ENTPD6: variants seen among roughly 807,000 people sequenced by gnomAD.
The protein encoded by ENTPD6 is CD39 antigen-like 2.
Under a neutral mutation model 61.5 loss-of-function variants are expected in ENTPD6, and 46 were observed. That is an observed-to-expected ratio of 0.75 (90% CI 0.59 to 0.96). ENTPD6 has a LOEUF of 0.96. Ranked by LOEUF, ENTPD6 falls within the 40% of genes least tolerant of loss-of-function variation. The pLI, the probability that ENTPD6 is intolerant of heterozygous loss-of-function variation, is 0.00. For missense variants in ENTPD6, 612 were observed against 629.0 expected (o/e 0.97, Z 0.29); for synonymous variants, 252 against 255.5 (o/e 0.99, Z 0.13).
In ENTPD6 at chr20:25,213,300, A is replaced by G; in HGVS notation, c.491A>G (p.Lys164Arg). ...QGIRELLDVA[K>R]QDIPFDFWKA... ...ATCCGGGAACTACTGGATGTTGCTA[A>G]ACAGGACATTCCGTTCGACTTCTGG... The change falls in exon 5 of 15, where the codon AAA becomes AGA. Residue 164 changes from lysine (K) to arginine (R), a missense_variant. Coordinates refer to ENST00000376652, the MANE Select transcript of ENTPD6 (RefSeq NM_001247.5). 1 of 1,614,264 alleles carries G rather than the reference A, an allele frequency of 6.2e-7. No homozygotes were observed. Among genetic ancestry groups the G allele is most frequent in the East Asian group, 2.2e-5 (1 of 44,886 alleles).
At chr20:25,216,837 G>C in intron 8 of ENTPD6, 101 bp downstream of exon 8, 1 of 824,274 alleles carries the variant, frequency 1.2e-6, no homozygotes, top group Non-Finnish European at 1.9e-6. Flanking sequence ...GTGGGGTGGG[G>C]GGTGGGGTTG....
At chr20:25,206,091 C>T (rs953876580) in intron 1 of ENTPD6, among the ~76,000 whole-genome samples, 3 of 152,242 alleles carry the variant, frequency 2.0e-5, no homozygotes, top group Non-Finnish European at 1.5e-5. Flanking sequence ...ATTGAATCCC[C>T]ACAGTCACGA....
intron 13 of ENTPD6, chr20:25,224,825 C>A: frequency 4.5e-6 from 1 of 223,196 alleles, no homozygotes; most frequent in Non-Finnish European, 8.7e-6. Flanking sequence ...ATTTGTCCTT[C>A]CTCAAGAGCA....
intron 7 of ENTPD6, among the ~76,000 whole-genome samples, 188 bp downstream of exon 7, chr20:25,215,899 T>A (rs1401425157): frequency 6.6e-6 from 1 of 152,126 alleles, no homozygotes; most frequent in Admixed American, 6.5e-5. Context: ...CAGGTGTAGA[T>A]GCTAGGAGTG....
In ENTPD6 at chr20:25,221,291, G is replaced by A; in HGVS notation, c.1003G>A (p.Glu335Lys). ...GTCTCCCAGTTTCAAAGGAGAGTGG[G>A]AACACGCAGAAGTCACGTACAGGGT... ...CLSPSFKGEW[E>K]HAEVTYRVSG... is the part of the protein sequence containing the mutation. The change falls in exon 11 of 15, where the codon GAA becomes AAA. Residue 335 changes from glutamate (E) to lysine (K), a missense_variant. Transcript: ENST00000376652. 1.2e-6 allele frequency: 2 copies of A among 1,614,190 alleles called. No individual in the cohort carries two copies. Among genetic ancestry groups the A allele is most frequent in the East Asian group, 2.2e-5 (1 of 44,878 alleles).
chr20:25,210,261 C>T (rs181375505), intron 4 of ENTPD6, among the ~76,000 whole-genome samples: 47 of 152,270 alleles, frequency 3.1e-4, no homozygotes, highest in Admixed American at 6.5e-4. Context: ...CAAATTTTTA[C>T]GCTAATTTAG....
In ENTPD6 at chr20:25,225,282, C is replaced by T. The variant is rs1315866114; in HGVS notation, c.1321C>T (p.Gln441Ter). 2 of 1,613,332 alleles carry T rather than the reference C, an allele frequency of 1.2e-6. No individual in the cohort carries two copies. The highest frequency in any genetic ancestry group is 2.2e-5 in the East Asian group (1 of 44,886). The change falls in exon 14 of 15, where the codon CAG becomes TAG. Residue 441 changes from glutamine (Q) to a stop codon, truncating the protein, a stop_gained. Coordinates refer to ENST00000376652, the MANE Select transcript of ENTPD6 (RefSeq NM_001247.5). LOFTEE classifies it high-confidence loss of function. ...CCTCACCTACGTCAGCCTGCTACTC[C>T]AGGAGTTCGGCTTTCCCAGGAGCAA... Reference protein sequence around the residue: ...MDLTYVSLLLQEFGFPRSKVL... With the variant: ...MDLTYVSLLL
At chr20:25,207,459 G>T in intron 3 of ENTPD6, 62 bp downstream of exon 3, 2 of 1,432,946 alleles carry the variant, frequency 1.4e-6, no homozygotes, top group Non-Finnish European at 1.9e-6. Context: ...TGTTGGCCGG[G>T]TCCCCTGCCA....
chr20:25,197,948 G>A (rs936312549), intron 1 of ENTPD6, among the ~76,000 whole-genome samples: 4 of 152,206 alleles, frequency 2.6e-5, no homozygotes, highest in South Asian at 4.1e-4. Flanking sequence ...CACACTGACT[G>A]CAATCTCAGA....
intron 7 of ENTPD6, among the ~76,000 whole-genome samples, chr20:25,216,436 T>G (rs888735812): frequency 6.6e-6 from 1 of 152,206 alleles, no homozygotes. Flanking sequence ...AGGTTCATGC[T>G]GTCCCATCAG....
In ENTPD6 at chr20:25,195,782, G is replaced by T. The variant is rs1456498881; in HGVS notation, c.-101G>T. On this transcript the variant is annotated 5_prime_UTR_variant, in exon 1 of 15. Coordinates refer to ENST00000376652, the MANE Select transcript of ENTPD6 (RefSeq NM_001247.5). ...GGAGGCCGGGGTGGCGCCGGCCGGG[G>T]CGGGGGAGCCCAAAAGACCGGCTGC... 1.1e-5 allele frequency: 13 copies of T among 1,155,428 alleles called. No homozygotes were observed. Among genetic ancestry groups the T allele is most frequent in the Non-Finnish European group, 1.2e-5 (11 of 911,034 alleles). The allele number at this position is 1,155,428 out of a possible 1,614,324, so 71.6% of individuals were successfully genotyped here.
In ENTPD6 at chr20:25,195,876, C is replaced by A. The variant is rs983037055; in HGVS notation, c.-16+9C>A. Reference sequence around the variant, plus strand: ...GGAGCGCGCGGTGCATGGTAAGCGGCGGGCCGGGGCGCTGGCGGGGGCGGC... The same window carrying A: ...GGAGCGCGCGGTGCATGGTAAGCGGAGGGCCGGGGCGCTGGCGGGGGCGGC... On this transcript the variant is annotated intron_variant, in intron 1 of 14. Coordinates refer to ENST00000376652, the MANE Select transcript of ENTPD6 (RefSeq NM_001247.5). 29 of 1,234,794 alleles carry A rather than the reference C, an allele frequency of 2.3e-5. No homozygotes were observed. The highest frequency in any genetic ancestry group is 4.1e-5 in the South Asian group (1 of 24,436). The allele number at this position is 1,234,794 out of a possible 1,614,324, so 76.5% of individuals were successfully genotyped here. A position where few individuals can be genotyped will look rare whatever the true frequency, so the allele number is the denominator to read the frequency against.
At chr20:25,196,709 G>T (rs2090461627) in intron 1 of ENTPD6, among the ~76,000 whole-genome samples, 1 of 152,204 alleles carries the variant, frequency 6.6e-6, no homozygotes. Flanking sequence ...CCTCGCGCAG[G>T]AGTTCCTTGG....
intron 4 of ENTPD6, among the ~76,000 whole-genome samples, chr20:25,211,415 A>T (rs1292358307): frequency 6.6e-6 from 1 of 152,222 alleles, no homozygotes; most frequent in East Asian, 1.9e-4. Flanking sequence ...CCAGGGTAGT[A>T]GCACAGATGT....
At chr20:25,214,556 G>A in intron 5 of ENTPD6, 2 of 328,160 alleles carry the variant, frequency 6.1e-6, no homozygotes, top group South Asian at 3.0e-5. Context: ...GCCTCAACGA[G>A]CCCGGGCGGT....
intron 4 of ENTPD6, among the ~76,000 whole-genome samples, chr20:25,211,792 G>T (rs1173031754): frequency 6.6e-6 from 1 of 152,156 alleles, no homozygotes; most frequent in East Asian, 1.9e-4. Context: ...CATGCAAGGG[G>T]CATCGCTCAG....
At chr20:25,215,550 C>A in intron 6 of ENTPD6, 126 bp from the exon 7 acceptor site, 1 of 891,404 alleles carries the variant, frequency 1.1e-6, no homozygotes, top group Non-Finnish European at 1.9e-6. Flanking sequence ...GATCTGAAGG[C>A]TGGGTGTAGT....
At chr20:25,216,767 T>A (rs757778069) in intron 8 of ENTPD6, 31 bp downstream of exon 8, 2 of 1,298,910 alleles carry the variant, frequency 1.5e-6, no homozygotes, top group African/African-American at 3.1e-5. Context: ...CAGCGCTCTT[T>A]CCACCCCGAG....
chr20:25,221,446 T>G (rs1274740822), intron 11 of ENTPD6, 113 bp downstream of exon 11: 1 of 810,234 alleles, frequency 1.2e-6, no homozygotes, highest in Non-Finnish European at 2.1e-6. Context: ...CTGACCTCTC[T>G]TTGAAGAGCC....
Sources: gnomAD v4.1 joint callset for allele counts (sites outside exome capture counted in the v4.1 genomes callset) on GRCh38, gnomAD v4.1.1 for gene constraint, MANE v1.5 for transcripts, NCBI Gene and HGNC (gene_info 2026-07-23, HGNC 2026-07-21) for gene names.